The following CTTNBP2 variants were observed in gnomAD, a reference collection of about 807,000 sequenced individuals.
The protein encoded by CTTNBP2 is cortactin-binding protein 2.
In CTTNBP2, 108 loss-of-function variants were observed where a neutral mutation model predicts 156.9. The ratio of observed to expected loss-of-function variants is 0.69; its 90% CI spans 0.59 to 0.81. The LOEUF (loss-of-function observed/expected upper bound fraction) is 0.81. CTTNBP2 is among the 30% of genes least tolerant of loss of function. The pLI is 0.00. For synonymous variants in CTTNBP2, 767 were observed against 751.8 expected, an observed-to-expected ratio of 1.02 and a Z score of -0.33; for missense variants, 1,924 against 2,035.4, an observed-to-expected ratio of 0.95 and a Z score of 1.05.
Position 117,724,647 on chromosome 7 carries a change from T to C in CTTNBP2, c.4347A>G (p.Lys1449=). 1 of 1,614,182 alleles carries C rather than the reference T, an allele frequency of 6.2e-7. No homozygotes were observed. ...CCTTTCTCCAGGCACCACTCTCTCC[T>C]TTCTTCTTGTTACAAGTGTTATAAC... ...VSSYNTCNKK[K]GESGAWRKVN... The change falls in exon 19 of 23, where the codon AAA becomes AAG. Residue 1449 remains lysine (K), a synonymous_variant. Coordinates refer to ENST00000160373, the MANE Select transcript of CTTNBP2 (RefSeq NM_033427.3).
At chr7:117,724,500 C>T (rs745454348) in intron 19 of CTTNBP2, 47 bp downstream of exon 19, 10 of 1,507,110 alleles carry the variant, frequency 6.6e-6, no homozygotes, top group East Asian at 2.3e-5. Flanking sequence ...CACTGGATCA[C>T]GTATGTCCAC....
chr7:117,817,287 T>C (rs1197766534), intron 2 of CTTNBP2, among the ~76,000 whole-genome samples: 3 of 140,022 alleles, frequency 2.1e-5, no homozygotes, highest in East Asian at 2.1e-4. Context: ...TGAGCTGCGA[T>C]TGTGCCACTG....
rs763150931 is a variant in CTTNBP2, at chr7:117,756,648, C to T, written c.3269-14G>A. 14 of 1,566,522 alleles carry T rather than the reference C, an allele frequency of 8.9e-6. No homozygotes were observed. In the Admixed American group the frequency reaches 2.0e-4, roughly 22 times the overall value. On this transcript the variant is annotated splice_polypyrimidine_tract_variant and intron_variant, in intron 11 of 22. Coordinates refer to ENST00000160373, the MANE Select transcript of CTTNBP2 (RefSeq NM_033427.3). ...CTTCTTGAGGACCTGTAGGAAAGGA[C>T]AGACGAAGAAAAATGGGTGTTCCCT...
Position 117,792,742 on chromosome 7 carries a change from C to T in CTTNBP2, c.454G>A (p.Glu152Lys). The T allele has an allele frequency of 1.2e-6, 2 of 1,603,244 alleles. No individual in the cohort carries two copies. The highest frequency in any genetic ancestry group is 1.3e-5 in the African/African-American group (1 of 74,432). ...AGGCGGGCAGCCAGCTTCTTGTGCT[C>T]TTGCTCAAGGGCTTGTAGCTGAAGC... ...EKLQLQALEQ[E>K]HKKLAARLEE... The change falls in exon 4 of 23, where the codon GAG becomes AAG. Residue 152 changes from glutamate (E) to lysine (K), a missense_variant. Glu to Lys is a moderately conservative substitution (Grantham distance 56). Transcript: ENST00000160373. The surrounding 1 kb of genome is among the most constrained non-coding windows in gnomAD (Gnocchi z 4.2).
chr7:117,748,868 GGTT>G (rs921823912), intron 12 of CTTNBP2, among the ~76,000 whole-genome samples: 9 of 152,166 alleles, frequency 5.9e-5, no homozygotes, highest in African/African-American at 2.2e-4. Flanking sequence ...TAGAAGTTGG[GGTT>G]GTTAGGAGGG....
chr7:117,792,876 A>C lies in CTTNBP2; in HGVS notation c.415-95T>G. ...GTGAGATTTTTATTAATTTTCTAACAATTACATAACTCGGGTTAGCAAAAA... is the reference window on the plus strand; with the variant it reads ...GTGAGATTTTTATTAATTTTCTAACCATTACATAACTCGGGTTAGCAAAAA... On this transcript the variant is annotated intron_variant, in intron 3 of 22. Transcript: ENST00000160373. This position sits in a 1 kb window ranked among gnomAD's most constrained non-coding sequence, Gnocchi z 4.2. 1 of 906,594 alleles carries C rather than the reference A, an allele frequency of 1.1e-6. No individual in the cohort carries two copies. The highest frequency in any genetic ancestry group is 1.5e-6 in the Non-Finnish European group (1 of 651,490). 56.2% of individuals were successfully genotyped at this position (906,594 alleles called of 1,614,324 possible). A position where few individuals can be genotyped will look rare whatever the true frequency, so the allele number is the denominator to read the frequency against.
intron 12 of CTTNBP2, among the ~76,000 whole-genome samples, chr7:117,754,401 C>A (rs2116612105): frequency 6.6e-6 from 1 of 152,270 alleles, no homozygotes; most frequent in East Asian, 1.9e-4. Flanking sequence ...TTTAAATCTG[C>A]CTTCTTTACC....
chr7:117,788,767 C>T (rs1330356554), intron 4 of CTTNBP2, among the ~76,000 whole-genome samples: 2 of 152,186 alleles, frequency 1.3e-5, no homozygotes, highest in South Asian at 2.1e-4. Context: ...AGTCTAGGTG[C>T]TCAGTAAACA....
chr7:117,785,791 G>A (rs1158513419), intron 4 of CTTNBP2, among the ~76,000 whole-genome samples: 2 of 152,168 alleles, frequency 1.3e-5, no homozygotes, highest in East Asian at 1.9e-4. Flanking sequence ...TCATAACAAT[G>A]GTCACATGGG....
At chr7:117,839,886 C>T (rs537323764) in intron 2 of CTTNBP2, among the ~76,000 whole-genome samples, 5 of 152,294 alleles carry the variant, frequency 3.3e-5, no homozygotes, top group African/African-American at 9.6e-5. Flanking sequence ...GACTATAACT[C>T]TCCCTACTAA....
intron 2 of CTTNBP2, among the ~76,000 whole-genome samples, chr7:117,819,862 T>C (rs996663720): frequency 6.6e-6 from 1 of 152,220 alleles, no homozygotes; most frequent in Non-Finnish European, 1.5e-5. Context: ...TTGTGAATCA[T>C]ACCAAGACTT....
chr7:117,841,214 C>T, intron 2 of CTTNBP2, among the ~76,000 whole-genome samples: 1 of 152,160 alleles, frequency 6.6e-6, no homozygotes, highest in East Asian at 1.9e-4. Flanking sequence ...GTATCTGCTT[C>T]TTCATCTGAG....
intron 17 of CTTNBP2, among the ~76,000 whole-genome samples, chr7:117,727,431 G>C (rs541337566): frequency 6.6e-6 from 1 of 152,176 alleles, no homozygotes; most frequent in Non-Finnish European, 1.5e-5. Flanking sequence ...CTGGCCTCAA[G>C]TGATCCTCCC....
intron 2 of CTTNBP2, among the ~76,000 whole-genome samples, chr7:117,834,005 C>T (rs1043776072): frequency 5.9e-5 from 9 of 151,938 alleles, no homozygotes; most frequent in African/African-American, 1.7e-4. Flanking sequence ...TTAATGGTGG[C>T]TTAGCTAGTA....
intron 2 of CTTNBP2, among the ~76,000 whole-genome samples, chr7:117,850,249 G>A (rs1802852361): frequency 6.6e-6 from 1 of 152,178 alleles, no homozygotes; most frequent in South Asian, 2.1e-4. Context: ...AAGACTCTAA[G>A]TGCATGCCTG....
intron 22 of CTTNBP2, among the ~76,000 whole-genome samples, chr7:117,714,929 C>T (rs142228058): frequency 2.0e-5 from 3 of 152,254 alleles, no homozygotes; most frequent in East Asian, 3.9e-4. Context: ...GCTAAAACCC[C>T]CGAATTATCT....
At chr7:117,795,286 C>T (rs1799257255) in intron 3 of CTTNBP2, among the ~76,000 whole-genome samples, 1 of 152,102 alleles carries the variant, frequency 6.6e-6, no homozygotes, top group Non-Finnish European at 1.5e-5. Context: ...TTCTGAGATG[C>T]ACCAAATAAC....
At chr7:117,871,360 CA>C (rs1478331750) in intron 1 of CTTNBP2, among the ~76,000 whole-genome samples, 1 of 152,150 alleles carries the variant, frequency 6.6e-6, no homozygotes, top group African/African-American at 2.4e-5. Flanking sequence ...AAGCCATCAT[CA>C]AAATTTTACT....
rs762247737 is a variant in CTTNBP2 at position 117,780,538 on chromosome 7, CCAT to C, written c.2423_2425del (p.Asp808del). 1.3e-6 allele frequency: 2 copies of C among 1,593,208 alleles called. No homozygotes were observed. Among genetic ancestry groups the C allele is most frequent in the South Asian group, 2.3e-5 (2 of 88,558 alleles). On this transcript the variant is annotated inframe_deletion, in exon 7 of 23. Coordinates refer to ENST00000160373, the MANE Select transcript of CTTNBP2 (RefSeq NM_033427.3). ...GGCCAGGTATAGAGGTGTCTGTCCT[CCAT>C]CAGCAGCATGATTAATGTTAGCATC...
Sources: gnomAD v4.1 joint callset for allele counts (sites outside exome capture counted in the v4.1 genomes callset) on GRCh38, gnomAD v4.1.1 for gene constraint, Gnocchi (gnomAD v3.1) non-coding constraint, MANE v1.5 for transcripts, NCBI Gene and HGNC (gene_info 2026-07-23, HGNC 2026-07-21) for gene names.